Variants in ZFYVE9 observed in about 807,000 individuals in gnomAD.
ZFYVE9 encodes zinc finger FYVE-type containing 9.
A neutral mutation model predicts 126.7 loss-of-function variants in ZFYVE9; 43 were observed. The observed-to-expected ratio is 0.34, with a 90% CI of 0.27 to 0.44. ZFYVE9 has a LOEUF of 0.44. Among genes scored for constraint, ZFYVE9 ranks in the 20% least tolerant of loss-of-function variants. ZFYVE9 has a pLI of 1.00. For synonymous variants in ZFYVE9, 521 were observed against 597.4 expected (o/e 0.87, Z 1.87); for missense variants, 1,476 against 1,697.0 (o/e 0.87, Z 2.29).
chr1:52,321,048 T>C (rs909929023), intron 13 of ZFYVE9, among the ~76,000 whole-genome samples: 6 of 152,192 alleles, frequency 3.9e-5, no homozygotes, highest in African/African-American at 1.4e-4. Context: ...GAAGTTTATG[T>C]TGGTTGTGAT....
chr1:52,325,738 C>G (rs1646284501), intron 13 of ZFYVE9, among the ~76,000 whole-genome samples: 1 of 152,142 alleles, frequency 6.6e-6, no homozygotes, highest in African/African-American at 2.4e-5. Flanking sequence ...TGACAAAGGC[C>G]CTATGCTAAG....
At chr1:52,332,690 T>C in intron 13 of ZFYVE9, 78 bp from the exon 14 acceptor site, 2 of 1,516,466 alleles carry the variant, frequency 1.3e-6, no homozygotes, top group Middle Eastern at 4.6e-4. Flanking sequence ...AGTTTTGTTT[T>C]TGAGAAGATG....
chr1:52,262,380 G>A (rs1453132665), intron 4 of ZFYVE9, among the ~76,000 whole-genome samples: 2 of 152,188 alleles, frequency 1.3e-5, no homozygotes, highest in African/African-American at 4.8e-5. Context: ...TGTAACACAT[G>A]TAAAGTGCCT....
intron 2 of ZFYVE9, among the ~76,000 whole-genome samples, chr1:52,230,382 A>G (rs1572118081): frequency 6.6e-6 from 1 of 151,962 alleles, no homozygotes; most frequent in East Asian, 1.9e-4. Context: ...GAATCAGTCA[A>G]ACAGGGAGGT....
At chr1:52,284,715 A>G (rs1262408566) in intron 10 of ZFYVE9, among the ~76,000 whole-genome samples, 2 of 152,158 alleles carry the variant, frequency 1.3e-5, no homozygotes, top group Non-Finnish European at 1.5e-5. Context: ...CACCGCGCCC[A>G]GCAATGGTTA....
chr1:52,310,459 AG>A (rs1347299883), intron 13 of ZFYVE9, among the ~76,000 whole-genome samples: 3 of 137,314 alleles, frequency 2.2e-5, no homozygotes, highest in Non-Finnish European at 4.5e-5. Context: ...GTATAGTCCT[AG>A]GTACAGGCTG....
chr1:52,209,029 G>GT (rs1645004047), intron 1 of ZFYVE9, among the ~76,000 whole-genome samples: 1 of 152,114 alleles, frequency 6.6e-6, no homozygotes, highest in Admixed American at 6.5e-5. Context: ...ATTATCCATG[G>GT]TATCATACAC....
chr1:52,334,998 G>A, intron 15 of ZFYVE9: 1 of 372,808 alleles, frequency 2.7e-6, no homozygotes. Flanking sequence ...CAGAGCTCTG[G>A]GATAAGGTAC....
At chr1:52,162,364 A>G (rs576914954) in intron 1 of ZFYVE9, 18 of 367,970 alleles carry the variant, frequency 4.9e-5, no homozygotes, top group African/African-American at 2.5e-4. Context: ...CGCCTTTGCC[A>G]CCACCTCCGC....
intron 2 of ZFYVE9, among the ~76,000 whole-genome samples, chr1:52,220,206 C>T (rs1267166233): frequency 3.3e-5 from 5 of 152,200 alleles, no homozygotes; most frequent in Admixed American, 3.3e-4. Context: ...ATTCTTTCTA[C>T]CCTCCCTGAT....
intron 13 of ZFYVE9, among the ~76,000 whole-genome samples, chr1:52,305,321 C>T (rs1183023307): frequency 1.3e-5 from 2 of 152,000 alleles, no homozygotes; most frequent in African/African-American, 2.4e-5. Flanking sequence ...GCCAGCTACT[C>T]GGGAGGCTGA....
chr1:52,168,457 T>G (rs1407539882), intron 1 of ZFYVE9, among the ~76,000 whole-genome samples: 1 of 151,932 alleles, frequency 6.6e-6, no homozygotes, highest in African/African-American at 2.4e-5. Flanking sequence ...CCTCAGGTGA[T>G]CTGCCTGCCT....
chr1:52,322,972 T>C (rs1481083335), intron 13 of ZFYVE9, among the ~76,000 whole-genome samples: 1 of 151,956 alleles, frequency 6.6e-6, no homozygotes, highest in Non-Finnish European at 1.5e-5. Flanking sequence ...GCCCAGCTAA[T>C]TTTTTGTATT....
intron 1 of ZFYVE9, among the ~76,000 whole-genome samples, chr1:52,166,642 C>T (rs1049062138): frequency 6.6e-6 from 1 of 152,018 alleles, no homozygotes; most frequent in Non-Finnish European, 1.5e-5. Context: ...AGGCTGGGTG[C>T]GGTAGCTTAT....
intron 1 of ZFYVE9, among the ~76,000 whole-genome samples, chr1:52,175,187 T>C (rs1644613122): frequency 6.6e-6 from 1 of 151,868 alleles, no homozygotes. Context: ...GGAGCTCTTT[T>C]AGGGCAGGCC....
chr1:52,264,136 G>A (rs12142485), intron 5 of ZFYVE9: 14,936 of 222,152 alleles, frequency 0.067, 718 homozygotes, highest in Middle Eastern at 0.091. Context: ...CTGGTGCGAG[G>A]TAGTTATTTG....
intron 13 of ZFYVE9, among the ~76,000 whole-genome samples, chr1:52,310,637 C>G (rs1184503902): frequency 6.6e-6 from 1 of 152,214 alleles, no homozygotes; most frequent in African/African-American, 2.4e-5. Context: ...CTTTCTGATT[C>G]TGGTGTCCCT....
At chr1:52,188,905 A>G (rs539282327) in intron 1 of ZFYVE9, among the ~76,000 whole-genome samples, 2 of 152,064 alleles carry the variant, frequency 1.3e-5, no homozygotes, top group Admixed American at 6.6e-5. Context: ...TCATGCGGTA[A>G]TCACCACTGT....
chr1:52,285,230 ATATT>A (rs1300187379), intron 10 of ZFYVE9, among the ~76,000 whole-genome samples: 2 of 152,156 alleles, frequency 1.3e-5, no homozygotes, highest in Non-Finnish European at 2.9e-5. Flanking sequence ...TATACTATAC[ATATT>A]TATTAAGAAC....
Sources: gnomAD v4.1 joint callset for allele counts (sites outside exome capture counted in the v4.1 genomes callset) on GRCh38, gnomAD v4.1.1 for gene constraint, MANE v1.5 for transcripts, NCBI Gene and HGNC (gene_info 2026-07-23, HGNC 2026-07-21) for gene names.